Variants in ASTN2 observed in about 807,000 individuals in gnomAD.
The protein encoded by ASTN2 is astrotactin 2, also known as astrotactin-2.
In ASTN2, 54 loss-of-function variants were observed where a neutral mutation model predicts 139.8. The ratio of observed to expected loss-of-function variants is 0.39; its 90% CI spans 0.31 to 0.48. The LOEUF (loss-of-function observed/expected upper bound fraction) is 0.48, where lower values mean the gene tolerates loss of function less well. ASTN2 is among the 20% of genes least tolerant of loss of function. The pLI, the probability that ASTN2 is intolerant of heterozygous loss-of-function variation, is 0.95. For missense variants in ASTN2, 1,565 were observed against 1,725.1 expected, an observed-to-expected ratio of 0.91 and a Z score of 1.64; for synonymous variants, 756 against 719.5, an observed-to-expected ratio of 1.05 and a Z score of -0.81.
intron 20 of ASTN2, among the ~76,000 whole-genome samples, chr9:116,444,653 T>C (rs2118891272): frequency 6.6e-6 from 1 of 152,254 alleles, no homozygotes; most frequent in East Asian, 1.9e-4. Context: ...TCAAAACTTC[T>C]TGGTACAAAG....
At chr9:116,598,357 C>T (rs766259804) in intron 19 of ASTN2, among the ~76,000 whole-genome samples, 4 of 152,140 alleles carry the variant, frequency 2.6e-5, no homozygotes, top group Non-Finnish European at 4.4e-5. Context: ...ATGTATGTGT[C>T]GGCCATAACT....
intron 16 of ASTN2, among the ~76,000 whole-genome samples, chr9:116,666,445 A>G (rs1008767253): frequency 6.6e-6 from 1 of 152,214 alleles, no homozygotes; most frequent in Admixed American, 6.5e-5. Context: ...ACTTTGACAT[A>G]ATGAAACTCA....
intron 17 of ASTN2, among the ~76,000 whole-genome samples, chr9:116,636,728 A>G (rs913453121): frequency 6.6e-6 from 1 of 152,130 alleles, no homozygotes; most frequent in Non-Finnish European, 1.5e-5. Flanking sequence ...TACTGCAGTT[A>G]TTTCAGAGCC....
At chr9:116,584,877 C>A (rs1298497162) in intron 19 of ASTN2, 2 of 152,152 alleles carry the variant, frequency 1.3e-5, no homozygotes, top group East Asian at 3.9e-4. Flanking sequence ...AAAGAGAAAG[C>A]AAGACTAGAT....
At chr9:117,009,067 C>T (rs1588477051) in intron 6 of ASTN2, among the ~76,000 whole-genome samples, 1 of 152,256 alleles carries the variant, frequency 6.6e-6, no homozygotes, top group East Asian at 1.9e-4. Context: ...ACAATAAACA[C>T]TGTAGGCTCC....
At chr9:116,906,002 G>A (rs1207367418) in intron 10 of ASTN2, among the ~76,000 whole-genome samples, 1 of 152,004 alleles carries the variant, frequency 6.6e-6, no homozygotes, top group Non-Finnish European at 1.5e-5. Flanking sequence ...GCCCTTCACA[G>A]CCTTGGAGAA....
intron 5 of ASTN2, among the ~76,000 whole-genome samples, chr9:117,090,742 G>A (rs954958493): frequency 6.6e-6 from 1 of 152,156 alleles, no homozygotes; most frequent in Non-Finnish European, 1.5e-5. Flanking sequence ...ATCCACCCAG[G>A]GCCACATGGA....
At chr9:117,368,371 A>C (rs1048498161) in intron 1 of ASTN2, among the ~76,000 whole-genome samples, 1 of 152,180 alleles carries the variant, frequency 6.6e-6, no homozygotes, top group Non-Finnish European at 1.5e-5. Flanking sequence ...AAACACAAAA[A>C]GAATGTTCCA....
chr9:116,661,499 G>C (rs564144884), intron 16 of ASTN2, among the ~76,000 whole-genome samples: 1 of 152,250 alleles, frequency 6.6e-6, no homozygotes, highest in African/African-American at 2.4e-5. Flanking sequence ...ATAACAATTT[G>C]TTTCAATCCT....
intron 1 of ASTN2, among the ~76,000 whole-genome samples, chr9:117,384,346 T>C (rs1028022807): frequency 1.3e-5 from 2 of 152,188 alleles, no homozygotes; most frequent in African/African-American, 4.8e-5. Context: ...AAACCCAAGA[T>C]AACCTTCACC....
chr9:116,686,135 T>A (rs975165516), intron 16 of ASTN2, among the ~76,000 whole-genome samples: 46 of 152,220 alleles, frequency 3.0e-4, no homozygotes, highest in African/African-American at 1.1e-3. Context: ...AAACTTCAAT[T>A]AGAAATTTAG....
At chr9:116,594,284 C>T (rs1854482896) in intron 19 of ASTN2, among the ~76,000 whole-genome samples, 1 of 152,162 alleles carries the variant, frequency 6.6e-6, no homozygotes, top group African/African-American at 2.4e-5. Context: ...TGGATACCTA[C>T]CTAATCTGTG....
chr9:116,895,887 A>G (rs1833867687), intron 10 of ASTN2, among the ~76,000 whole-genome samples: 1 of 152,218 alleles, frequency 6.6e-6, no homozygotes, highest in Non-Finnish European at 1.5e-5. Context: ...ACATAAAAAA[A>G]GGGAGTGGAA....
At chr9:116,443,331 G>T (rs1394051604) in intron 20 of ASTN2, among the ~76,000 whole-genome samples, 2 of 152,156 alleles carry the variant, frequency 1.3e-5, no homozygotes, top group South Asian at 4.1e-4. Flanking sequence ...CAGCCAGTGT[G>T]GCTGGAACAA....
chr9:117,268,693 C>T (rs1375686443), intron 2 of ASTN2, among the ~76,000 whole-genome samples: 1 of 152,168 alleles, frequency 6.6e-6, no homozygotes, highest in African/African-American at 2.4e-5. Flanking sequence ...AGCTCCAGGT[C>T]CCTTGTTTCA....
intron 1 of ASTN2, among the ~76,000 whole-genome samples, chr9:117,306,874 T>A (rs10983614): frequency 3.3e-5 from 5 of 151,980 alleles, no homozygotes; most frequent in Middle Eastern, 3.2e-3. Context: ...CTATCTACTA[T>A]GTGATGTGAA....
intron 2 of ASTN2, among the ~76,000 whole-genome samples, chr9:117,229,786 G>A (rs1832831174): frequency 6.6e-6 from 1 of 152,056 alleles, no homozygotes; most frequent in Admixed American, 6.5e-5. Context: ...CCAACCAGCA[G>A]GTCCTGAGGA....
rs544001418 is a variant in ASTN2 at position 117,365,834 on chromosome 9, C to G, written c.442+48663G>C. ...GCTTGTATTGGACAGTGGAAATGCA[C>G]TGGCCTAGGGGTTTGGAGGTATCTT... is the stretch of plus-strand genomic sequence containing the variant. On this transcript the variant is annotated intron_variant, in intron 1 of 22. Transcript: ENST00000313400. Among the ~76,000 whole-genome samples the G allele has an allele frequency of 5.3e-5, 8 of 152,316 alleles. No individual in the cohort carries two copies. In the South Asian group the frequency reaches 1.4e-3, roughly 28 times the overall value.
chr9:117,047,585 G>T (rs1354546348), intron 5 of ASTN2, among the ~76,000 whole-genome samples: 1 of 152,098 alleles, frequency 6.6e-6, no homozygotes, highest in Admixed American at 6.6e-5. Flanking sequence ...ATAGTTTAAT[G>T]TCTAAACAGC....
Sources: allele counts gnomAD v4.1 joint callset (sites outside exome capture counted in the v4.1 genomes callset), GRCh38; gene constraint gnomAD v4.1.1; transcripts MANE v1.5; gene names NCBI Gene and HGNC (gene_info 2026-07-23, HGNC 2026-07-21).